ARIH1: variants seen among roughly 807,000 people sequenced by gnomAD.
ARIH1 encodes ariadne RBR E3 ubiquitin protein ligase 1.
Under a neutral mutation model 85.0 loss-of-function variants are expected in ARIH1, and 8 were observed. The observed-to-expected ratio is 0.09, with a 90% confidence interval of 0.06 to 0.17. The LOEUF (loss-of-function observed/expected upper bound fraction) is 0.17, where lower values mean the gene tolerates loss of function less well. Ranked by LOEUF, ARIH1 falls within the 10% of genes least tolerant of loss-of-function variation. The pLI is 1.00. For missense variants in ARIH1, 311 were observed against 718.1 expected, an observed-to-expected ratio of 0.43 and a Z score of 6.48; for synonymous variants, 238 against 253.6, an observed-to-expected ratio of 0.94 and a Z score of 0.59.
At position 72,489,027 on chromosome 15, in the gene ARIH1, G is replaced by T. The variant is rs549764415; in HGVS notation, c.375+14013G>T. ...GGAGGTTGAGGCCAGAGGATTACTT[G>T]AGTCCAGGAGTTTGAGACCAGCCTG... On this transcript the variant is annotated intron_variant, in intron 1 of 13. Coordinates refer to ENST00000379887, the MANE Select transcript of ARIH1 (RefSeq NM_005744.5). Among the ~76,000 whole-genome samples the T allele has an allele frequency of 7.9e-5, 12 of 152,280 alleles. No individual in the cohort carries two copies. The East Asian group carries it at 2.1e-3, about 27-fold the overall frequency.
intron 1 of ARIH1, among the ~76,000 whole-genome samples, chr15:72,500,934 C>G (rs1394897156): frequency 3.5e-4 from 54 of 152,222 alleles, no homozygotes; most frequent in Non-Finnish European, 4.4e-5. Flanking sequence ...TAATGTAATC[C>G]TTAAGGTCTA....
chr15:72,498,302 A>G (rs1356118310), intron 1 of ARIH1, among the ~76,000 whole-genome samples: 1 of 152,116 alleles, frequency 6.6e-6, no homozygotes, highest in Non-Finnish European at 1.5e-5. Context: ...CTCCAATTCT[A>G]CCTTATTCTG....
rs1185309063 is a variant in ARIH1 at position 72,593,288 on chromosome 15, A to AT, written c.*9996_*9997insT. ...TGTTATTCTTTGTATTTTGAATATA[A>AT]ATCCTTTGATAGATATGCTATGATT... On this transcript the variant is annotated 3_prime_UTR_variant, in exon 14 of 14. Coordinates refer to ENST00000379887, the MANE Select transcript of ARIH1 (RefSeq NM_005744.5). 2 of 152,130 alleles carry AT rather than the reference A, an allele frequency of 1.3e-5. No individual in the cohort carries two copies. 9.4% of individuals were successfully genotyped at this position (152,130 alleles called of 1,614,324 possible). A position where few individuals can be genotyped will look rare whatever the true frequency, so the allele number is the denominator to read the frequency against.
At chr15:72,501,096 A>C (rs913472679) in intron 1 of ARIH1, among the ~76,000 whole-genome samples, 3 of 152,214 alleles carry the variant, frequency 2.0e-5, no homozygotes, top group African/African-American at 4.8e-5. Flanking sequence ...GTGTATTTTG[A>C]GAATAATTGA....
At chr15:72,559,521 T>A (rs1377071851) in intron 5 of ARIH1, among the ~76,000 whole-genome samples, 1 of 152,156 alleles carries the variant, frequency 6.6e-6, no homozygotes. Flanking sequence ...ATCACCCACC[T>A]CTGCCTCCCA....
chr15:72,504,892 AC>A (rs1364111326), intron 1 of ARIH1, among the ~76,000 whole-genome samples: 1 of 152,112 alleles, frequency 6.6e-6, no homozygotes, highest in Non-Finnish European at 1.5e-5. Flanking sequence ...AATTATGTTG[AC>A]CCTTTTAGTG....
chr15:72,549,687 GAAGA>G (rs142897604), intron 3 of ARIH1, among the ~76,000 whole-genome samples: 2,294 of 152,228 alleles, frequency 0.015, 54 homozygotes, highest in Admixed American at 0.056. Context: ...ACTTATTATG[GAAGA>G]AAGATTCTTA....
rs1480723916 is a variant in ARIH1 at position 72,596,223 on chromosome 15, GAT to G, written c.*12935_*12936del. 1 of 152,034 alleles carries G rather than the reference GAT, an allele frequency of 6.6e-6. No homozygotes were observed. Among genetic ancestry groups the G allele is most frequent in the Non-Finnish European group, 1.5e-5 (1 of 68,006 alleles). 9.4% of individuals were successfully genotyped at this position (152,034 alleles called of 1,614,324 possible). On this transcript the variant is annotated 3_prime_UTR_variant, in exon 14 of 14. Coordinates refer to ENST00000379887, the MANE Select transcript of ARIH1 (RefSeq NM_005744.5). ...TTATTTTTGAGGGGTATTTTAGTTGGATATAGGACTCTATGTTGACCTTTTAT... is the reference window on the plus strand; with the variant it reads ...TTATTTTTGAGGGGTATTTTAGTTGGATAGGACTCTATGTTGACCTTTTAT...
intron 5 of ARIH1, among the ~76,000 whole-genome samples, chr15:72,558,445 G>T (rs1037843848): frequency 1.3e-5 from 2 of 152,168 alleles, no homozygotes; most frequent in Admixed American, 1.3e-4. Context: ...GAGATTACAG[G>T]TGTACACCAT....
rs187173036 is a variant in ARIH1 at position 72,595,214 on chromosome 15, C to T, written c.*11922C>T. The T allele has an allele frequency of 9.2e-5, 14 of 152,388 alleles. No individual in the cohort carries two copies. Among genetic ancestry groups the T allele is most frequent in the Middle Eastern group, 3.4e-3 (1 of 296 alleles). The allele number at this position is 152,388 out of a possible 1,614,324, so 9.4% of individuals were successfully genotyped here. ...TTAGAGACAGTCTCACTCTTTTGCT[C>T]AGGCTGCCAGGCTGGAGTGCAATGA... On this transcript the variant is annotated 3_prime_UTR_variant, in exon 14 of 14. Coordinates refer to ENST00000379887, the MANE Select transcript of ARIH1 (RefSeq NM_005744.5).
intron 2 of ARIH1, among the ~76,000 whole-genome samples, chr15:72,531,754 A>G (rs2064058221): frequency 6.6e-6 from 1 of 152,242 alleles, no homozygotes; most frequent in African/African-American, 2.4e-5. Context: ...CTTTTGAAAG[A>G]AAATAAACCT....
chr15:72,481,119 TATAGTTTAGATTTATTTC>T (rs1379567148), intron 1 of ARIH1, among the ~76,000 whole-genome samples: 7 of 152,222 alleles, frequency 4.6e-5, no homozygotes, highest in African/African-American at 1.4e-4. Flanking sequence ...AAGTGTTTGA[TATAGTTTAGATTTATTTC>T]TTTTGGACTT....
chr15:72,509,764 T>A (rs35855297), intron 1 of ARIH1, among the ~76,000 whole-genome samples: 7,899 of 152,118 alleles, frequency 0.052, 272 homozygotes, highest in African/African-American at 0.1. Flanking sequence ...GCTAATTTTT[T>A]AAAAATTTTT....
At chr15:72,531,692 A>G (rs917910361) in intron 2 of ARIH1, among the ~76,000 whole-genome samples, 1 of 152,270 alleles carries the variant, frequency 6.6e-6, no homozygotes, top group African/African-American at 2.4e-5. Flanking sequence ...ATAATATTCT[A>G]GAGCACAGCT....
intron 11 of ARIH1, among the ~76,000 whole-genome samples, chr15:72,573,847 T>G (rs2064258733): frequency 6.6e-6 from 1 of 152,180 alleles, no homozygotes; most frequent in African/African-American, 2.4e-5. Flanking sequence ...TTTAAAAATG[T>G]ATTATTACTG....
At chr15:72,490,095 G>T (rs1332575094) in intron 1 of ARIH1, among the ~76,000 whole-genome samples, 1 of 152,102 alleles carries the variant, frequency 6.6e-6, no homozygotes, top group Non-Finnish European at 1.5e-5. Flanking sequence ...AGTCACGGTG[G>T]TTCAAGCGTG....
chr15:72,559,321 C>T (rs1211275644), intron 5 of ARIH1, among the ~76,000 whole-genome samples: 2 of 151,904 alleles, frequency 1.3e-5, no homozygotes, highest in Admixed American at 1.3e-4. Flanking sequence ...GAGTGGAGTG[C>T]AGTAGTGGCA....
chr15:72,525,771 C>T (rs1422565579), intron 2 of ARIH1, among the ~76,000 whole-genome samples: 1 of 151,748 alleles, frequency 6.6e-6, no homozygotes, highest in Non-Finnish European at 1.5e-5. Flanking sequence ...GTTGTAGCTT[C>T]GGTGACCCCT....
chr15:72,562,216 A>G (rs1196713053), intron 6 of ARIH1, among the ~76,000 whole-genome samples: 1 of 152,200 alleles, frequency 6.6e-6, no homozygotes, highest in Admixed American at 6.5e-5. Flanking sequence ...TTAATAAAGA[A>G]TGCTATCCTT....
Sources: gnomAD v4.1 joint callset for allele counts (sites outside exome capture counted in the v4.1 genomes callset) on GRCh38, gnomAD v4.1.1 for gene constraint, MANE v1.5 for transcripts, NCBI Gene and HGNC (gene_info 2026-07-23, HGNC 2026-07-21) for gene names.